RP1L1: variants seen among roughly 807,000 people sequenced by gnomAD.
RP1L1 encodes the protein retinitis pigmentosa 1-like 1 protein.
Under a neutral mutation model 15.7 loss-of-function variants are expected in RP1L1, and 27 were observed. The observed-to-expected ratio is 1.72, with a 90% CI of 1.27 to 2.38. RP1L1 has a LOEUF of 2.38. RP1L1 is among the 30% of genes most tolerant of loss of function. RP1L1 has a pLI of 0.00. For missense variants in RP1L1, 4,798 were observed against 3,075.9 expected, an observed-to-expected ratio of 1.56 and a Z score of -13.24; for synonymous variants, 1,813 against 1,276.7, an observed-to-expected ratio of 1.42 and a Z score of -8.96.
chr8:10,641,072 A>C (rs955099359), intron 1 of RP1L1, among the ~76,000 whole-genome samples: 3 of 152,212 alleles, frequency 2.0e-5, no homozygotes, highest in Non-Finnish European at 4.4e-5. Flanking sequence ...CAACTGACTA[A>C]ATAACATTAA....
rs773123060 is a variant in RP1L1, at chr8:10,611,232, C to A, written c.2866G>T (p.Val956Leu). Reference sequence around the variant, plus strand: ...ATGTTGTCCAGCCATTCGCGGACCACAGCCTCTGGAGACGAGCGGGGCAGA... The same window carrying A: ...ATGTTGTCCAGCCATTCGCGGACCAAAGCCTCTGGAGACGAGCGGGGCAGA... ...SSLPRSSPEA[V>L]VREWLDNIPE... The change falls in exon 4 of 4, where the codon GTG (valine) becomes TTG (leucine). Residue 956 changes from valine to leucine, a missense_variant. Transcript: ENST00000382483. 1 of 1,613,074 alleles carries A rather than the reference C, an allele frequency of 6.2e-7. No individual in the cohort carries two copies. Among genetic ancestry groups the A allele is most frequent in the East Asian group, 2.2e-5 (1 of 44,866 alleles).
chr8:10,611,406 T>G lies in RP1L1; in HGVS notation c.2692A>C (p.Thr898Pro). The G allele has an allele frequency of 5.0e-6, 8 of 1,598,240 alleles. No individual in the cohort carries two copies. The highest frequency in any genetic ancestry group is 6.0e-6 in the Non-Finnish European group (7 of 1,174,238). Residue 898 changes from threonine (T) to proline (P), a missense_variant, in exon 4 of 4, where the codon ACG becomes CCG. By Grantham distance (38) the Thr-to-Pro change is conservative. Coordinates refer to ENST00000382483, the MANE Select transcript of RP1L1 (RefSeq NM_178857.6). ...PQEGTRQPGP[T>P]PSPGPNSGAS... ...CCTGAATTGGGGCCTGGGGACGGCG[T>G]GGGGCCTGGCTGGCGTGTCCCCTCC... is the stretch of plus-strand genomic sequence containing the variant.
rs200488552 is a variant in RP1L1, at chr8:10,607,578, G to A, written c.6520C>T (p.Gln2174Ter). 71 of 1,564,606 alleles carry A rather than the reference G, an allele frequency of 4.5e-5. No individual in the cohort carries two copies. The highest frequency in any genetic ancestry group is 6.0e-5 in the Non-Finnish European group (69 of 1,145,866). The change falls in exon 4 of 4, where the codon CAA becomes TAA. Residue 2174 changes from glutamine (Q) to a stop codon, truncating the protein, a stop_gained. Coordinates refer to ENST00000382483, the MANE Select transcript of RP1L1 (RefSeq NM_178857.6). LOFTEE classifies it low-confidence loss of function (END_TRUNC). Reference protein sequence around the residue: ...IEAQEAEEEAQPELEGVEAPE... With the variant: ...IEAQEAEEEA ...GCCTCTACACCTTCTAACTCTGGTT[G>A]GGCCTCCTCTTCAGCCTCCTGGGCC...
rs1344838610 is a variant in RP1L1 at position 10,613,424 on chromosome 8, A to G, written c.752-78T>C. The G allele has an allele frequency of 9.5e-6, 15 of 1,574,138 alleles. No individual in the cohort carries two copies. In the Admixed American group the frequency reaches 1.9e-4, roughly 20 times the overall value. On this transcript the variant is annotated intron_variant, in intron 3 of 3. Coordinates refer to ENST00000382483, the MANE Select transcript of RP1L1 (RefSeq NM_178857.6). Reference sequence around the variant, plus strand: ...GGCAGCATCAGGATAAAGGAATAAAACAGTCACGAGCCTCCCACGACCTCA... The same window carrying G: ...GGCAGCATCAGGATAAAGGAATAAAGCAGTCACGAGCCTCCCACGACCTCA...
At chr8:10,631,369 A>G (rs1325428908) in intron 1 of RP1L1, among the ~76,000 whole-genome samples, 1 of 58,836 alleles carries the variant, frequency 1.7e-5, no homozygotes, top group South Asian at 8.2e-4. Context: ...ACAAACACAC[A>G]TGCACACAAA....
In RP1L1 at chr8:10,607,785, C is replaced by T. The variant is rs1797736013; in HGVS notation, c.6313G>A (p.Glu2105Lys). The change falls in exon 4 of 4, where the codon GAG becomes AAG. Residue 2105 changes from glutamate to lysine, a missense_variant. By Grantham distance (56) the Glu-to-Lys change is moderately conservative (BLOSUM62 1). Transcript: ENST00000382483. The stretch of plus-strand genomic sequence containing the variant: ...GCCTTCTGGGCCTCCCCTTCTGCCT[C>T]TGGGGCCTCTACACCTTCTGATTCT... ...QPESEGVEAP[E>K]AEGEAQKAEG... 6.2e-7 allele frequency: 1 copy of T among 1,608,904 alleles called. No homozygotes were observed. The highest frequency in any genetic ancestry group is 1.3e-5 in the African/African-American group (1 of 74,424).
At chr8:10,642,712 C>A (rs563191303) in intron 1 of RP1L1, among the ~76,000 whole-genome samples, 1 of 152,308 alleles carries the variant, frequency 6.6e-6, no homozygotes, top group South Asian at 2.1e-4. Context: ...CAGTCCCACT[C>A]CTTACAGAGC....
chr8:10,633,947 G>A (rs1296781354), intron 1 of RP1L1, among the ~76,000 whole-genome samples: 3 of 152,104 alleles, frequency 2.0e-5, no homozygotes, highest in South Asian at 2.1e-4. Flanking sequence ...CAGGACTGCT[G>A]ACACAATATC....
rs201291934 is a variant in RP1L1 at position 10,622,991 on chromosome 8, G to T, written c.211C>A (p.Arg71Ser). The change falls in exon 2 of 4, where the codon CGC becomes AGC. Residue 71 changes from arginine (R) to serine (S), a missense_variant. Physicochemically the swap from Arg to Ser is moderately radical, Grantham distance 110. Coordinates refer to ENST00000382483, the MANE Select transcript of RP1L1 (RefSeq NM_178857.6). ...FSALMDELSQ[R>S]VPLSFGVRSV... ...CGCACCCCAAAGGAGAGAGGCACGC[G>T]CTGGGAGAGCTCGTCCATGAGGGCG... The T allele has an allele frequency of 6.2e-7, 1 of 1,614,166 alleles. No homozygotes were observed. The highest frequency in any genetic ancestry group is 1.1e-5 in the South Asian group (1 of 91,082).
At chr8:10,634,703 C>T (rs1166757713) in intron 1 of RP1L1, among the ~76,000 whole-genome samples, 1 of 152,192 alleles carries the variant, frequency 6.6e-6, no homozygotes, top group Non-Finnish European at 1.5e-5. Context: ...GGCCCAGGGA[C>T]AGCTGCTGCA....
intron 1 of RP1L1, among the ~76,000 whole-genome samples, chr8:10,647,105 G>A (rs1798491031): frequency 6.6e-6 from 1 of 152,226 alleles, no homozygotes; most frequent in South Asian, 2.1e-4. Flanking sequence ...CCCGCCTTCA[G>A]AACTCCCTGT....
At position 10,622,832 on chromosome 8, in the gene RP1L1, G is replaced by C. The variant is rs966577180; in HGVS notation, c.370C>G (p.Pro124Ala). The change falls in exon 2 of 4, where the codon CCC (proline) becomes GCC (alanine). Residue 124 changes from proline to alanine, a missense_variant. Physicochemically the swap from Pro to Ala is conservative, Grantham distance 27. Transcript: ENST00000382483. ...SGPGRPQERNPTAQQLRDVEG... is the reference protein window; with the variant it reads ...SGPGRPQERNATAQQLRDVEG... ...ACATCCCGCAACTGCTGAGCAGTGG[G>C]GTTTCTCTCCTGTGGCCGGCCTGGT... 9 of 1,613,326 alleles carry C rather than the reference G, an allele frequency of 5.6e-6. No homozygotes were observed. Among genetic ancestry groups the C allele is most frequent in the Non-Finnish European group, 7.6e-6 (9 of 1,179,486 alleles).
chr8:10,624,863 G>A lies in RP1L1; in HGVS notation c.-19-1643C>T, dbSNP rs766610523. Among the ~76,000 whole-genome samples the A allele has an allele frequency of 9.5e-4, 144 of 152,256 alleles. 1 individual carries two copies. Among genetic ancestry groups the A allele is most frequent in the Non-Finnish European group, 1.7e-3 (117 of 68,028 alleles). On this transcript the variant is annotated intron_variant, in intron 1 of 3. Coordinates refer to ENST00000382483, the MANE Select transcript of RP1L1 (RefSeq NM_178857.6). ...TTTGAGTTGGGGTTTCTGTCTTGTC[G>A]AACAGGAAGAGCCCCACTGAGATGT...
rs1209921623 is a variant in RP1L1 at position 10,608,652 on chromosome 8, C to G, written c.5446G>C (p.Gly1816Arg). 2 of 1,614,230 alleles carry G rather than the reference C, an allele frequency of 1.2e-6. No homozygotes were observed. The highest frequency in any genetic ancestry group is 1.1e-5 in the South Asian group (1 of 91,086). ...TGGTCACCTCCTGCCGCAGCTTCAC[C>G]CTGCAAGTTGTCCTCATGCCCAGAG... ...QGSGHEDNLQGEAAAGGDQDP... is the reference protein window; with the variant it reads ...QGSGHEDNLQREAAAGGDQDP... The change falls in exon 4 of 4, where the codon GGT becomes CGT. Residue 1816 changes from glycine to arginine, a missense_variant. Coordinates refer to ENST00000382483, the MANE Select transcript of RP1L1 (RefSeq NM_178857.6).
chr8:10,635,265 T>C (rs1798311303), intron 1 of RP1L1, among the ~76,000 whole-genome samples: 1 of 151,948 alleles, frequency 6.6e-6, no homozygotes, highest in South Asian at 2.1e-4. Flanking sequence ...ACTGACCCGT[T>C]AGCCTCAGCA....
Position 10,609,686 on chromosome 8 carries a change from G to C in RP1L1, c.4412C>G (p.Ser1471Cys). ...DPSASERQSG[S>C]QLEPGLEKPP... ...CTTTTCCAAACCAGGCTCAAGCTGGGAGCCACTCTGCCTCTCGCTGGCACT... is the reference window on the plus strand; with the variant it reads ...CTTTTCCAAACCAGGCTCAAGCTGGCAGCCACTCTGCCTCTCGCTGGCACT... Residue 1471 changes from serine to cysteine, a missense_variant, in exon 4 of 4, where the codon TCC (serine) becomes TGC (cysteine). Coordinates refer to ENST00000382483, the MANE Select transcript of RP1L1 (RefSeq NM_178857.6). 1 of 1,612,908 alleles carries C rather than the reference G, an allele frequency of 6.2e-7. No individual in the cohort carries two copies. Among genetic ancestry groups the C allele is most frequent in the African/African-American group, 1.3e-5 (1 of 75,046 alleles).
chr8:10,629,395 A>G (rs79669353), intron 1 of RP1L1, among the ~76,000 whole-genome samples: 3,869 of 152,310 alleles, frequency 0.025, 133 homozygotes, highest in African/African-American at 0.08. Context: ...CATCAAGACG[A>G]AAAGTAAATG....
At chr8:10,622,550 C>A in intron 2 of RP1L1, 43 bp downstream of exon 2, 2 of 1,613,580 alleles carry the variant, frequency 1.2e-6, no homozygotes, top group South Asian at 2.2e-5. Flanking sequence ...GACCTCAGGT[C>A]TAAAGAACCT....
intron 1 of RP1L1, among the ~76,000 whole-genome samples, chr8:10,649,633 C>A (rs1296176498): frequency 6.6e-6 from 1 of 152,228 alleles, no homozygotes; most frequent in African/African-American, 2.4e-5. Flanking sequence ...AATTCCAGCA[C>A]TTTGGGAGGC....
Sources: gnomAD v4.1 joint callset for allele counts (sites outside exome capture counted in the v4.1 genomes callset) on GRCh38, gnomAD v4.1.1 for gene constraint, MANE v1.5 for transcripts, NCBI Gene and HGNC (gene_info 2026-07-23, HGNC 2026-07-21) for gene names.